The following ATN1 variants were observed in gnomAD, a reference collection of about 807,000 sequenced individuals.
The protein encoded by ATN1 is atrophin 1.
ATN1 carries 19 observed loss-of-function variants against 85.8 expected under a neutral mutation model. The observed-to-expected ratio is 0.22, with a 90% CI of 0.15 to 0.32. The LOEUF (loss-of-function observed/expected upper bound fraction) is 0.32, where lower values mean the gene tolerates loss of function less well. ATN1 is among the 10% of genes least tolerant of loss of function. ATN1 has a pLI of 1.00. For missense variants in ATN1, 1,453 were observed against 1,564.5 expected (o/e 0.93, Z 1.20); for synonymous variants, 674 against 657.0 (o/e 1.03, Z -0.39).
At chr12:6,927,918 G>C (rs782701218), upstream of ATN1, among the ~76,000 whole-genome samples, 2 of 151,202 alleles carry the variant, frequency 1.3e-5, no homozygotes, top group Admixed American at 1.3e-4. Flanking sequence ...GGCTAGGAGG[G>C]GGGAGAGGGA....
At position 6,938,823 on chromosome 12, in the gene ATN1, C is replaced by T. The variant is rs1555144268; in HGVS notation, c.2860C>T (p.Pro954Ser). ...CCTCAAGCCTGGCTTTGAGGTGAAG[C>T]CTAGTGAGCTGGAACCCCTACATGG... is the stretch of plus-strand genomic sequence containing the variant. ...DRLKPGFEVKPSELEPLHGVP... is the reference protein window; with the variant it reads ...DRLKPGFEVKSSELEPLHGVP... The change falls in exon 7 of 10, where the codon CCT (proline) becomes TCT (serine). Residue 954 changes from proline to serine, a missense_variant. Pro to Ser is a moderately conservative substitution (Grantham distance 74). This residue lies in a region of ATN1 where 208 missense variants were observed against 263.4 expected (regional missense o/e 0.79). Coordinates refer to ENST00000396684, the MANE Select transcript of ATN1 (RefSeq NM_001940.4). 2 of 1,614,056 alleles carry T rather than the reference C, an allele frequency of 1.2e-6. No individual in the cohort carries two copies. Among genetic ancestry groups the T allele is most frequent in the African/African-American group, 2.7e-5 (2 of 74,938 alleles).
In ATN1 at chr12:6,939,044, C is replaced by T. The variant is rs148377687; in HGVS notation, c.3081C>T (p.His1027=). 8 of 1,607,914 alleles carry T rather than the reference C, an allele frequency of 5.0e-6. No homozygotes were observed. The highest frequency in any genetic ancestry group is 2.2e-5 in the East Asian group (1 of 44,900). Residue 1027 remains histidine, a synonymous_variant, in exon 7 of 10, where the codon CAC becomes CAT. Coordinates refer to ENST00000396684, the MANE Select transcript of ATN1 (RefSeq NM_001940.4). ...AGCGGCTGGCAGCTGAGAGGCAGCA[C>T]GCAGAAAGGGTGGCGGCCCTGGGCA... ...YAERLAAERQ[H]AERVAALGND...
chr12:6,932,959 C>G (rs149724853), intron 1 of ATN1, among the ~76,000 whole-genome samples: 222 of 152,290 alleles, frequency 1.5e-3, no homozygotes, highest in African/African-American at 4.9e-3. Context: ...GAGGAGAATA[C>G]AGCAAAGTAT....
Position 6,934,101 on chromosome 12 carries a change from G to T in ATN1, c.27+73G>T. The T allele has an allele frequency of 1.2e-6, 2 of 1,613,494 alleles. No homozygotes were observed. The highest frequency in any genetic ancestry group is 1.7e-6 in the Non-Finnish European group (2 of 1,179,630). On this transcript the variant is annotated intron_variant, in intron 2 of 9. Transcript: ENST00000396684. The surrounding 1 kb of genome is among the most constrained non-coding windows in gnomAD (Gnocchi z 4.5). ...CTAGGAGGAAGGGTCTAGAGAAGAAGAACAAATAATGTGCACCATAAAGTT... is the reference window on the plus strand; with the variant it reads ...CTAGGAGGAAGGGTCTAGAGAAGAATAACAAATAATGTGCACCATAAAGTT...
At chr12:6,930,824 AAAT>A (rs2138203670) in intron 1 of ATN1, among the ~76,000 whole-genome samples, 1 of 149,132 alleles carries the variant, frequency 6.7e-6, no homozygotes, top group African/African-American at 2.5e-5. Flanking sequence ...ATAAATAAAT[AAAT>A]AAAATAAAGC....
Position 6,934,922 on chromosome 12 carries a change from G to A in ATN1, c.279+344G>A, listed in dbSNP as rs1267305711. Reference sequence around the variant, plus strand: ...GTTTGTTTGTTTTTGAGACAGTTTCGCTCTGTCACCCAGGCTGGAGTACAG... The same window carrying A: ...GTTTGTTTGTTTTTGAGACAGTTTCACTCTGTCACCCAGGCTGGAGTACAG... On this transcript the variant is annotated intron_variant, in intron 4 of 9. Coordinates refer to ENST00000396684, the MANE Select transcript of ATN1 (RefSeq NM_001940.4). This position sits in a 1 kb window ranked among gnomAD's most constrained non-coding sequence, Gnocchi z 4.5. Among the ~76,000 whole-genome samples the A allele has an allele frequency of 6.6e-6, 1 of 151,900 alleles. No individual in the cohort carries two copies. Among genetic ancestry groups the A allele is most frequent in the African/African-American group, 2.4e-5 (1 of 41,332 alleles).
Position 6,934,365 on chromosome 12 carries a change from GGTGT to G in ATN1, c.165+61_165+64del. On this transcript the variant is annotated intron_variant, in intron 3 of 9. Transcript: ENST00000396684. This position sits in a 1 kb window ranked among gnomAD's most constrained non-coding sequence, Gnocchi z 4.5. ...GGATGCCCAAGGCACTGGGGCTGAG[GGTGT>G]GTGTGTGTTGTGGGGGAACTTCCTG... The G allele has an allele frequency of 6.3e-7, 1 of 1,592,332 alleles. No individual in the cohort carries two copies. The highest frequency in any genetic ancestry group is 8.6e-7 in the Non-Finnish European group (1 of 1,169,166).
At position 6,937,961 on chromosome 12, in the gene ATN1, G is replaced by A; in HGVS notation, c.2411G>A (p.Arg804Gln). ...KKRADLVEKV[R>Q]REAEQRAREE... The stretch of plus-strand genomic sequence containing the variant: ...CGGGCCGACCTGGTGGAGAAGGTGC[G>A]GCGCGAGGCCGAGCAGCGCGCGCGC... The change falls in exon 6 of 10, where the codon CGG (arginine) becomes CAG (glutamine). Residue 804 changes from arginine (R) to glutamine (Q), a missense_variant. Around this residue, in one of 6 missense-constraint regions of ATN1, gnomAD observed 990 missense variants for 914.8 expected, o/e 1.08. Transcript: ENST00000396684. The surrounding 1 kb of genome is among the most constrained non-coding windows in gnomAD (Gnocchi z 6.0). 6.4e-7 allele frequency: 1 copy of A among 1,569,088 alleles called. No individual in the cohort carries two copies. Among genetic ancestry groups the A allele is most frequent in the East Asian group, 2.4e-5 (1 of 41,648 alleles).
chr12:6,934,067 G>A lies in ATN1; in HGVS notation c.27+39G>A. On this transcript the variant is annotated intron_variant, in intron 2 of 9. Transcript: ENST00000396684. The surrounding 1 kb of genome is among the most constrained non-coding windows in gnomAD (Gnocchi z 4.5). ...AGAGACATGAAAGATGAGGGGCGGG[G>A]CAGGCAAGCTAGGAGGAAGGGTCTA... The A allele has an allele frequency of 1.9e-6, 3 of 1,610,884 alleles. No individual in the cohort carries two copies. Among genetic ancestry groups the A allele is most frequent in the Non-Finnish European group, 2.5e-6 (3 of 1,178,424 alleles).
chr12:6,942,019 C>T lies in ATN1; in HGVS notation c.*239C>T, dbSNP rs1315883603. ...GACAGAAAGCGCACAGAATCTTGGACCAGGTCTCTCTTCCTTGTCCCCCCT... is the reference window on the plus strand; with the variant it reads ...GACAGAAAGCGCACAGAATCTTGGATCAGGTCTCTCTTCCTTGTCCCCCCT... On this transcript the variant is annotated 3_prime_UTR_variant, in exon 10 of 10. Transcript: ENST00000396684. 1.8e-6 allele frequency: 1 copy of T among 569,360 alleles called. No individual in the cohort carries two copies. Among genetic ancestry groups the T allele is most frequent in the African/African-American group, 1.9e-5 (1 of 53,208 alleles). 35.3% of individuals were successfully genotyped at this position (569,360 alleles called of 1,614,324 possible).
At chr12:6,931,435 C>T (rs1158685254) in intron 1 of ATN1, among the ~76,000 whole-genome samples, 2 of 144,386 alleles carry the variant, frequency 1.4e-5, no homozygotes, top group African/African-American at 2.6e-5. Flanking sequence ...AAAAAAAGGC[C>T]GGGCATGGTG....
Position 6,941,637 on chromosome 12 carries a change from G to A in ATN1, c.3539+83G>A. The stretch of plus-strand genomic sequence containing the variant: ...TGGGCATGGTACGGCTGGGCACCGT[G>A]CTCCTGGGGGAGGGAACCCCTCCTC... On this transcript the variant is annotated intron_variant, in intron 9 of 9. Coordinates refer to ENST00000396684, the MANE Select transcript of ATN1 (RefSeq NM_001940.4). The surrounding 1 kb of genome is among the most constrained non-coding windows in gnomAD (Gnocchi z 5.9). The A allele has an allele frequency of 6.3e-7, 1 of 1,597,200 alleles. No individual in the cohort carries two copies. Among genetic ancestry groups the A allele is most frequent in the Non-Finnish European group, 8.6e-7 (1 of 1,165,522 alleles).
chr12:6,937,663 T>C lies in ATN1; in HGVS notation c.2294+102T>C. The C allele has an allele frequency of 7.0e-7, 1 of 1,429,342 alleles. No homozygotes were observed. The highest frequency in any genetic ancestry group is 9.2e-7 in the Non-Finnish European group (1 of 1,090,130). The allele number at this position is 1,429,342 out of a possible 1,614,324, so 88.5% of individuals were successfully genotyped here. ...GGAGGGGCCTTGCGCTGGTGTAGTG[T>C]TTTAGAAAAGCACGCCCCTCTCCTC... On this transcript the variant is annotated intron_variant, in intron 5 of 9. Coordinates refer to ENST00000396684, the MANE Select transcript of ATN1 (RefSeq NM_001940.4). The surrounding 1 kb of genome is among the most constrained non-coding windows in gnomAD (Gnocchi z 6.0).
In ATN1 at chr12:6,941,844, C is replaced by T; in HGVS notation, c.*64C>T. 2 of 1,563,240 alleles carry T rather than the reference C, an allele frequency of 1.3e-6. No homozygotes were observed. The highest frequency in any genetic ancestry group is 1.7e-5 in the Admixed American group (1 of 59,708). ...ACCTTGGAGCACCCCCACCCTCCCC[C>T]CACCGTGCCCTTGGCCTGCCACCCA... On this transcript the variant is annotated 3_prime_UTR_variant, in exon 10 of 10. Coordinates refer to ENST00000396684, the MANE Select transcript of ATN1 (RefSeq NM_001940.4). This position sits in a 1 kb window ranked among gnomAD's most constrained non-coding sequence, Gnocchi z 5.9.
chr12:6,932,639 T>C (rs1027876890), intron 1 of ATN1, among the ~76,000 whole-genome samples: 2 of 152,192 alleles, frequency 1.3e-5, no homozygotes, highest in Non-Finnish European at 2.9e-5. Context: ...GAGGATAGGC[T>C]TAAAAACTGG....
At chr12:6,925,078 C>T (rs1945383963), upstream of ATN1, among the ~76,000 whole-genome samples, 4 of 149,550 alleles carry the variant, frequency 2.7e-5, no homozygotes, top group South Asian at 8.5e-4. Flanking sequence ...AGAGAGGGAG[C>T]TGGGGTGAGG....
chr12:6,924,714 A>G (rs1003392732), upstream of ATN1, among the ~76,000 whole-genome samples: 4 of 151,736 alleles, frequency 2.6e-5, no homozygotes, highest in Admixed American at 2.0e-4. Flanking sequence ...TTTTAGTTTC[A>G]GTGTGGGCAT....
chr12:6,927,892 C>G (rs1425686590), upstream of ATN1, among the ~76,000 whole-genome samples: 2 of 151,420 alleles, frequency 1.3e-5, no homozygotes, highest in Non-Finnish European at 1.5e-5. Flanking sequence ...TCGGAGGGAC[C>G]GCGGCTTCGG....
At position 6,932,401 on chromosome 12, in the gene ATN1, G is replaced by A. The variant is rs145292766; in HGVS notation, c.-162-1439G>A. Among the ~76,000 whole-genome samples, 91 of 152,290 alleles carry A rather than the reference G, an allele frequency of 6.0e-4. No homozygotes were observed. In the South Asian group the frequency reaches 0.01, roughly 17 times the overall value. ...TTTAAAGGTCAATCACAAGAAGAGCGCACACACATCAGTGGAAAGGAAGAA... is the reference window on the plus strand; with the variant it reads ...TTTAAAGGTCAATCACAAGAAGAGCACACACACATCAGTGGAAAGGAAGAA... On this transcript the variant is annotated intron_variant, in intron 1 of 9. Transcript: ENST00000396684.
Sources: allele counts gnomAD v4.1 joint callset (sites outside exome capture counted in the v4.1 genomes callset), GRCh38; gene constraint gnomAD v4.1.1; regional missense constraint gnomAD v4.1.1; non-coding constraint Gnocchi (gnomAD v3.1); transcripts MANE v1.5; gene names NCBI Gene and HGNC (gene_info 2026-07-23, HGNC 2026-07-21).